CELF4: variants seen among roughly 807,000 people sequenced by gnomAD.
The protein encoded by CELF4 is CUGBP Elav-like family member 4.
A neutral mutation model predicts 59.9 loss-of-function variants in CELF4; 18 were observed. The observed-to-expected ratio is 0.30, with a 90% CI of 0.21 to 0.45. The LOEUF (loss-of-function observed/expected upper bound fraction) is 0.45. Among genes scored for constraint, CELF4 ranks in the 20% least tolerant of loss-of-function variants. CELF4 has a pLI of 1.00. For missense variants in CELF4, 456 were observed against 689.0 expected (o/e 0.66, Z 3.79); for synonymous variants, 261 against 267.1 (o/e 0.98, Z 0.22).
intron 3 of CELF4, among the ~76,000 whole-genome samples, chr18:37,287,060 G>A (rs1016870904): frequency 6.6e-6 from 1 of 152,190 alleles, no homozygotes; most frequent in Non-Finnish European, 1.5e-5. Flanking sequence ...ATGGGACAGA[G>A]GTCCTTAGCC....
chr18:37,430,433 T>C (rs1458184068), intron 2 of CELF4, among the ~76,000 whole-genome samples: 2 of 152,164 alleles, frequency 1.3e-5, no homozygotes, highest in Admixed American at 6.5e-5. Flanking sequence ...GTAATAGCAT[T>C]GCAGTGGGCC....
At chr18:37,529,689 A>G (rs1303730014) in intron 1 of CELF4, among the ~76,000 whole-genome samples, 2 of 152,086 alleles carry the variant, frequency 1.3e-5, no homozygotes, top group East Asian at 3.9e-4. Context: ...GAATTTTTTG[A>G]GGGAAAGTGT....
intron 2 of CELF4, among the ~76,000 whole-genome samples, chr18:37,438,041 G>A (rs961177207): frequency 2.6e-5 from 4 of 152,196 alleles, no homozygotes; most frequent in Admixed American, 2.6e-4. Context: ...GAAGGCGGCT[G>A]TCTGCAAGCC....
chr18:37,310,263 C>T (rs1047272886), intron 3 of CELF4, among the ~76,000 whole-genome samples: 7 of 152,070 alleles, frequency 4.6e-5, no homozygotes, highest in Non-Finnish European at 5.9e-5. Flanking sequence ...GAGGGCTTGG[C>T]GGGCAGTGAA....
At chr18:37,324,605 A>G (rs573670285) in intron 2 of CELF4, among the ~76,000 whole-genome samples, 15 of 152,306 alleles carry the variant, frequency 9.8e-5, no homozygotes, top group African/African-American at 3.4e-4. Flanking sequence ...CCCCTAGTTC[A>G]TGAAGCCTGG....
intron 2 of CELF4, among the ~76,000 whole-genome samples, chr18:37,472,761 T>G (rs879720705): frequency 1.3e-5 from 2 of 152,074 alleles, no homozygotes; most frequent in African/African-American, 2.4e-5. Flanking sequence ...GGCCTGAAGG[T>G]CTTCAGAGAA....
intron 4 of CELF4, 21 bp downstream of exon 4, chr18:37,275,093 CT>C (rs769575590): frequency 4.3e-6 from 7 of 1,611,072 alleles, no homozygotes; most frequent in Non-Finnish European, 5.9e-6. Flanking sequence ...CGGGGCATCC[CT>C]CCCGGCCCCG....
At chr18:37,519,455 C>T (rs1346186216) in intron 1 of CELF4, among the ~76,000 whole-genome samples, 2 of 152,026 alleles carry the variant, frequency 1.3e-5, no homozygotes, top group Non-Finnish European at 2.9e-5. Context: ...TTGGAGGCTT[C>T]AGTGGAAGAT....
intron 2 of CELF4, among the ~76,000 whole-genome samples, chr18:37,429,479 G>A (rs1434637512): frequency 1.3e-5 from 2 of 152,160 alleles, no homozygotes; most frequent in Admixed American, 6.5e-5. Context: ...ATGTGTGCCA[G>A]CGTCTTTGAA....
At chr18:37,490,486 A>G (rs1041514225) in intron 1 of CELF4, among the ~76,000 whole-genome samples, 1 of 152,210 alleles carries the variant, frequency 6.6e-6, no homozygotes, top group South Asian at 2.1e-4. Flanking sequence ...TTGAGGAGAC[A>G]AAGATCATTG....
chr18:37,372,569 C>T (rs912642784), intron 2 of CELF4, among the ~76,000 whole-genome samples: 2 of 152,016 alleles, frequency 1.3e-5, no homozygotes, highest in Non-Finnish European at 2.9e-5. Flanking sequence ...CAAAATGGCA[C>T]ATGTATACAT....
intron 7 of CELF4, 26 bp downstream of exon 7, chr18:37,272,990 C>CCG: frequency 6.3e-7 from 1 of 1,593,740 alleles, no homozygotes; most frequent in Middle Eastern, 2.3e-4. Flanking sequence ...CCGGGCCAGA[C>CCG]CGCGTGTTGG....
chr18:37,470,304 T>C (rs2099817949), intron 2 of CELF4, among the ~76,000 whole-genome samples: 1 of 152,222 alleles, frequency 6.6e-6, no homozygotes, highest in African/African-American at 2.4e-5. Flanking sequence ...ACTTCATCAC[T>C]GTGCTAGTTA....
intron 2 of CELF4, among the ~76,000 whole-genome samples, chr18:37,324,722 C>T (rs1358291101): frequency 2.0e-5 from 3 of 152,086 alleles, no homozygotes; most frequent in Non-Finnish European, 4.4e-5. Flanking sequence ...GCTTAAGTGA[C>T]CCAGGCCTCC....
At chr18:37,483,700 C>T (rs1221739264) in intron 2 of CELF4, among the ~76,000 whole-genome samples, 4 of 152,138 alleles carry the variant, frequency 2.6e-5, no homozygotes, top group Non-Finnish European at 5.9e-5. Flanking sequence ...CTCCTGATTT[C>T]CCCTGGGCCT....
intron 1 of CELF4, among the ~76,000 whole-genome samples, chr18:37,521,911 C>A (rs1382612500): frequency 1.3e-5 from 2 of 152,246 alleles, no homozygotes; most frequent in Non-Finnish European, 2.9e-5. Context: ...GTCTTTATTT[C>A]TCTTAAGTCT....
At chr18:37,407,088 T>C (rs1225454934) in intron 2 of CELF4, among the ~76,000 whole-genome samples, 5 of 152,200 alleles carry the variant, frequency 3.3e-5, no homozygotes, top group Non-Finnish European at 4.4e-5. Flanking sequence ...TACTGCTTAC[T>C]CTTCTTTGGA....
chr18:37,529,703 G>C (rs1395931200), intron 1 of CELF4, among the ~76,000 whole-genome samples: 1 of 152,208 alleles, frequency 6.6e-6, no homozygotes, highest in Non-Finnish European at 1.5e-5. Flanking sequence ...AAAGTGTGAT[G>C]TGGTGCTGGT....
At chr18:37,320,559 T>G (rs1372376170) in intron 3 of CELF4, among the ~76,000 whole-genome samples, 2 of 152,194 alleles carry the variant, frequency 1.3e-5, no homozygotes, top group Non-Finnish European at 2.9e-5. Context: ...ACTGCCTGGC[T>G]GTGCCTCTGT....
Sources: gnomAD v4.1 joint callset for allele counts (sites outside exome capture counted in the v4.1 genomes callset) on GRCh38, gnomAD v4.1.1 for gene constraint, MANE v1.5 for transcripts, NCBI Gene and HGNC (gene_info 2026-07-23, HGNC 2026-07-21) for gene names.